The following TMEM132D variants were observed in gnomAD, a reference collection of about 807,000 sequenced individuals.
The protein encoded by TMEM132D is mature OL transmembrane protein.
Under a neutral mutation model 62.3 loss-of-function variants are expected in TMEM132D, and 21 were observed. That is an observed-to-expected ratio of 0.34 (90% confidence interval 0.24 to 0.49). The LOEUF is 0.49. Among genes scored for constraint, TMEM132D ranks in the 20% least tolerant of loss-of-function variants. The pLI, the probability that TMEM132D is intolerant of heterozygous loss-of-function variation, is 0.99. For missense variants in TMEM132D, 1,346 were observed against 1,402.8 expected (o/e 0.96, Z 0.65); for synonymous variants, 621 against 575.6 (o/e 1.08, Z -1.13).
rs1283608879 is a variant in TMEM132D at position 129,072,964 on chromosome 12, C to G, written c.*911G>C. ...ACAGAATGTCACTTGGGAGTTGACA[C>G]AAAACCCAGGGGGAGAAAAAAGACC... On this transcript the variant is annotated 3_prime_UTR_variant, in exon 9 of 9. Coordinates refer to ENST00000422113, the MANE Select transcript of TMEM132D (RefSeq NM_133448.3). 6.6e-6 allele frequency: 1 copy of G among 152,168 alleles called. No homozygotes were observed. Among genetic ancestry groups the G allele is most frequent in the Non-Finnish European group, 1.5e-5 (1 of 68,046 alleles). 9.4% of individuals were successfully genotyped at this position (152,168 alleles called of 1,614,324 possible). A position where few individuals can be genotyped will look rare whatever the true frequency, so the allele number is the denominator to read the frequency against.
intron 1 of TMEM132D, among the ~76,000 whole-genome samples, chr12:129,726,093 G>A (rs751381686): frequency 6.6e-6 from 1 of 152,212 alleles, no homozygotes; most frequent in Admixed American, 6.5e-5. Flanking sequence ...CATAGGTGCT[G>A]TCTCAACTCA....
intron 3 of TMEM132D, among the ~76,000 whole-genome samples, chr12:129,494,288 T>A (rs547042534): frequency 9.2e-5 from 14 of 152,190 alleles, no homozygotes; most frequent in Non-Finnish European, 1.9e-4. Context: ...GTTTGGTTTA[T>A]GAGGAAATAA....
At chr12:129,173,076 C>G (rs1363776178) in intron 5 of TMEM132D, among the ~76,000 whole-genome samples, 1 of 152,018 alleles carries the variant, frequency 6.6e-6, no homozygotes, top group African/African-American at 2.4e-5. Flanking sequence ...ATCACCATAA[C>G]AGGTATAATA....
intron 3 of TMEM132D, among the ~76,000 whole-genome samples, chr12:129,386,643 T>C (rs1159254089): frequency 2.0e-5 from 3 of 148,708 alleles, no homozygotes; most frequent in Non-Finnish European, 4.4e-5. Context: ...TCACTAGTCA[T>C]AATACAAACA....
At chr12:129,812,587 T>C (rs1186024881) in intron 1 of TMEM132D, among the ~76,000 whole-genome samples, 1 of 151,844 alleles carries the variant, frequency 6.6e-6, no homozygotes, top group Non-Finnish European at 1.5e-5. Flanking sequence ...AGTATTCACC[T>C]GTGTCTCCCA....
chr12:129,316,114 G>A (rs953382683), intron 4 of TMEM132D, among the ~76,000 whole-genome samples: 2 of 151,814 alleles, frequency 1.3e-5, no homozygotes, highest in African/African-American at 2.4e-5. Flanking sequence ...TTTGTCTTTT[G>A]TATTTTTGTT....
chr12:129,731,292 G>A (rs558765577), intron 1 of TMEM132D, among the ~76,000 whole-genome samples: 25 of 152,096 alleles, frequency 1.6e-4, no homozygotes, highest in Non-Finnish European at 2.8e-4. Context: ...CTGCCCTCTC[G>A]AAACATACTG....
chr12:129,632,830 TTGA>T (rs1294739367), intron 2 of TMEM132D, among the ~76,000 whole-genome samples: 1 of 152,236 alleles, frequency 6.6e-6, no homozygotes, highest in African/African-American at 2.4e-5. Flanking sequence ...TCACTAACTA[TTGA>T]TGACCTTTGT....
chr12:129,872,358 C>T (rs1307240451), intron 1 of TMEM132D, among the ~76,000 whole-genome samples: 2 of 152,150 alleles, frequency 1.3e-5, no homozygotes, highest in Non-Finnish European at 1.5e-5. Context: ...GCATCGTGAA[C>T]GTGAACTTCC....
intron 1 of TMEM132D, among the ~76,000 whole-genome samples, chr12:129,864,793 T>C (rs374076592): frequency 6.6e-6 from 1 of 152,222 alleles, no homozygotes; most frequent in Non-Finnish European, 1.5e-5. Flanking sequence ...AGGTACTCAA[T>C]GCCCCCTGAC....
chr12:129,582,769 T>C (rs925398784), intron 2 of TMEM132D, among the ~76,000 whole-genome samples: 1 of 151,940 alleles, frequency 6.6e-6, no homozygotes, highest in Non-Finnish European at 1.5e-5. Context: ...CAGGCACCCA[T>C]CACCATGCCT....
At chr12:129,502,144 C>T (rs1251913655) in intron 3 of TMEM132D, among the ~76,000 whole-genome samples, 4 of 152,214 alleles carry the variant, frequency 2.6e-5, no homozygotes, top group Non-Finnish European at 2.9e-5. Context: ...GGATTACAGG[C>T]GTCCGTCACC....
At chr12:129,671,658 T>C (rs905481068) in intron 2 of TMEM132D, among the ~76,000 whole-genome samples, 24 of 151,950 alleles carry the variant, frequency 1.6e-4, no homozygotes, top group Non-Finnish European at 7.4e-5. Context: ...TGATGAGAGG[T>C]TGGGGTAGGG....
At chr12:129,175,865 C>T (rs1297205800) in intron 5 of TMEM132D, among the ~76,000 whole-genome samples, 2 of 152,140 alleles carry the variant, frequency 1.3e-5, no homozygotes, top group African/African-American at 2.4e-5. Flanking sequence ...GTCCAAAATC[C>T]TTCTAGGTTT....
intron 4 of TMEM132D, among the ~76,000 whole-genome samples, chr12:129,233,783 C>T (rs374170423): frequency 5.3e-5 from 8 of 152,020 alleles, no homozygotes; most frequent in Non-Finnish European, 8.8e-5. Flanking sequence ...CCTGCCACCA[C>T]GCCCGGCTAA....
intron 5 of TMEM132D, among the ~76,000 whole-genome samples, chr12:129,139,747 A>C (rs548501032): frequency 6.6e-6 from 1 of 152,228 alleles, no homozygotes; most frequent in East Asian, 1.9e-4. Flanking sequence ...GCAAGAGTGC[A>C]GTAGTGTGAT....
intron 3 of TMEM132D, among the ~76,000 whole-genome samples, chr12:129,418,791 A>T (rs1291647271): frequency 6.6e-6 from 1 of 152,216 alleles, no homozygotes; most frequent in East Asian, 1.9e-4. Context: ...CTAAGTTAAG[A>T]TGAGGCCATG....
At chr12:129,783,056 C>T (rs2137292365) in intron 1 of TMEM132D, among the ~76,000 whole-genome samples, 1 of 152,292 alleles carries the variant, frequency 6.6e-6, no homozygotes, top group South Asian at 2.1e-4. Flanking sequence ...AAACGTCGCC[C>T]TAAACTTAAA....
chr12:129,854,197 GGACACAAAACGTTCA>G (rs1873639975), intron 1 of TMEM132D, among the ~76,000 whole-genome samples: 4 of 152,100 alleles, frequency 2.6e-5, no homozygotes, highest in Non-Finnish European at 4.4e-5. Flanking sequence ...TGGTCCCTGG[GGACACAAAACGTTCA>G]GCTATCACTG....
Sources: allele counts gnomAD v4.1 joint callset (sites outside exome capture counted in the v4.1 genomes callset), GRCh38; gene constraint gnomAD v4.1.1; transcripts MANE v1.5; gene names NCBI Gene and HGNC (gene_info 2026-07-23, HGNC 2026-07-21).